MAP3K5: variants seen among roughly 807,000 people sequenced by gnomAD.
MAP3K5 encodes mitogen-activated protein kinase kinase kinase 5, also known as ASK-1.
MAP3K5 carries 56 observed loss-of-function variants against 158.7 expected under a neutral mutation model. That is an observed-to-expected ratio of 0.35 (90% CI 0.28 to 0.44). The LOEUF (loss-of-function observed/expected upper bound fraction) is 0.44, where lower values mean the gene tolerates loss of function less well. MAP3K5 is among the 20% of genes least tolerant of loss of function. The probability of loss-of-function intolerance (pLI) is 1.00; values close to 1 mark genes in which losing one functional copy is unlikely to be tolerated. For missense variants in MAP3K5, 1,294 were observed against 1,674.8 expected (o/e 0.77, Z 3.97); for synonymous variants, 579 against 601.7 (o/e 0.96, Z 0.55).
intron 2 of MAP3K5, among the ~76,000 whole-genome samples, chr6:136,712,235 G>A (rs1025192710): frequency 1.4e-5 from 2 of 148,114 alleles, no homozygotes; most frequent in African/African-American, 2.5e-5. Context: ...AGGCTGGAGT[G>A]CAGTGACATG....
chr6:136,680,537 T>A (rs1014416638), intron 7 of MAP3K5, among the ~76,000 whole-genome samples: 1 of 152,200 alleles, frequency 6.6e-6, no homozygotes, highest in African/African-American at 2.4e-5. Flanking sequence ...AGTTTCCCAG[T>A]GACAGAACTG....
At chr6:136,727,829 G>T (rs1476198539) in intron 1 of MAP3K5, among the ~76,000 whole-genome samples, 1 of 152,070 alleles carries the variant, frequency 6.6e-6, no homozygotes, top group Non-Finnish European at 1.5e-5. Context: ...GGGCGTGGTG[G>T]CAGGTGCCTG....
intron 17 of MAP3K5, among the ~76,000 whole-genome samples, chr6:136,612,689 T>C (rs977834589): frequency 3.3e-5 from 5 of 152,244 alleles, no homozygotes; most frequent in African/African-American, 4.8e-5. Flanking sequence ...TATGTGATAC[T>C]TGTGAGAAAA....
chr6:136,584,267 G>A (rs191258197), intron 23 of MAP3K5: 16 of 152,778 alleles, frequency 1.0e-4, no homozygotes, highest in African/African-American at 3.8e-4. Context: ...ATAGGGTCAT[G>A]AATATGTCCA....
intron 1 of MAP3K5, among the ~76,000 whole-genome samples, chr6:136,754,022 C>G (rs1367194318): frequency 6.6e-6 from 1 of 152,118 alleles, no homozygotes; most frequent in Non-Finnish European, 1.5e-5. Context: ...CGCCTGTAAT[C>G]CAGCACTTTG....
chr6:136,564,194 T>C (rs1035877153), intron 26 of MAP3K5, among the ~76,000 whole-genome samples: 9 of 152,176 alleles, frequency 5.9e-5, no homozygotes, highest in Non-Finnish European at 7.3e-5. Flanking sequence ...GAAAAGAGCC[T>C]TTCCAGGACT....
At chr6:136,585,495 T>C (rs1386766120) in intron 23 of MAP3K5, among the ~76,000 whole-genome samples, 1 of 147,560 alleles carries the variant, frequency 6.8e-6, no homozygotes, top group Non-Finnish European at 1.5e-5. Flanking sequence ...ATTTATTTAT[T>C]TATTTATTTA....
intron 1 of MAP3K5, among the ~76,000 whole-genome samples, chr6:136,726,811 T>A (rs934029014): frequency 6.6e-6 from 1 of 152,214 alleles, no homozygotes; most frequent in South Asian, 2.1e-4. Context: ...TTTTTGTAGA[T>A]TGATCTTGTA....
intron 1 of MAP3K5, among the ~76,000 whole-genome samples, chr6:136,721,610 G>A (rs139372303): frequency 4.6e-5 from 7 of 152,320 alleles, no homozygotes; most frequent in East Asian, 1.9e-4. Flanking sequence ...GACCTAGATC[G>A]TGAGTTTAAA....
intron 1 of MAP3K5, 63 bp downstream of exon 1, chr6:136,791,647 G>A (rs1415141236): frequency 3.2e-6 from 5 of 1,557,074 alleles, no homozygotes; most frequent in Non-Finnish European, 4.4e-6. Context: ...GAAATGCCCC[G>A]AAGACCGCCA....
At chr6:136,649,351 T>A (rs573604258) in intron 11 of MAP3K5, among the ~76,000 whole-genome samples, 1 of 152,238 alleles carries the variant, frequency 6.6e-6, no homozygotes, top group East Asian at 1.9e-4. Context: ...AAAAGCAGCA[T>A]CCCCAGGAAC....
Position 136,558,883 on chromosome 6 carries a change from A to G in MAP3K5, c.3988-7T>C. ...TATAATCTTCAGCCAAAAACTGTAG[A>G]GAAAGTAGAATATGCACAAAAGATG... On this transcript the variant is annotated splice_polypyrimidine_tract_variant and splice_region_variant and intron_variant, in intron 28 of 29. Coordinates refer to ENST00000359015, the MANE Select transcript of MAP3K5 (RefSeq NM_005923.4). 6.7e-7 allele frequency: 1 copy of G among 1,481,616 alleles called. No homozygotes were observed. The highest frequency in any genetic ancestry group is 2.3e-5 in the East Asian group (1 of 44,036). 91.8% of individuals were successfully genotyped at this position (1,481,616 alleles called of 1,614,324 possible). A position where few individuals can be genotyped will look rare whatever the true frequency, so the allele number is the denominator to read the frequency against.
intron 1 of MAP3K5, among the ~76,000 whole-genome samples, chr6:136,735,087 G>A (rs1782398006): frequency 6.6e-6 from 1 of 152,212 alleles, no homozygotes; most frequent in South Asian, 2.1e-4. Context: ...TAGCAAAAAT[G>A]GCTATGGTAG....
Position 136,601,034 on chromosome 6 carries a change from C to A in MAP3K5, c.2866G>T (p.Ala956Ser). 1 of 1,613,816 alleles carries A rather than the reference C, an allele frequency of 6.2e-7. No homozygotes were observed. Among genetic ancestry groups the A allele is most frequent in the Non-Finnish European group, 8.5e-7 (1 of 1,179,972 alleles). Residue 956 changes from alanine to serine, a missense_variant, in exon 21 of 30, where the codon GCT becomes TCT. Physicochemically the swap from Ala to Ser is moderately conservative, Grantham distance 99. This residue lies in a region of MAP3K5 where 362 missense variants were observed against 463.2 expected (regional missense o/e 0.78). Coordinates refer to ENST00000359015, the MANE Select transcript of MAP3K5 (RefSeq NM_005923.4). ...AAAACAAACTCACCATTTGATCCAG[C>A]TGAAAGAGCTGTGGAAAGAAAAGCA... Reference protein sequence around the residue: ...KTQPKLSALSAGSNEYLRSIS... With the variant: ...KTQPKLSALSSGSNEYLRSIS...
At chr6:136,600,332 T>C (rs945965151) in intron 21 of MAP3K5, among the ~76,000 whole-genome samples, 2 of 151,274 alleles carry the variant, frequency 1.3e-5, no homozygotes, top group African/African-American at 4.9e-5. Flanking sequence ...GCTGGGACCA[T>C]AGGCATGCAC....
Position 136,683,109 on chromosome 6 carries a change from A to G in MAP3K5, c.1253+11031T>C, listed in dbSNP as rs553481785. ...GTATTAACACCAAGGATATAACACTAAAGGCTTACTAAATTTCAGGACTTT... is the reference window on the plus strand; with the variant it reads ...GTATTAACACCAAGGATATAACACTGAAGGCTTACTAAATTTCAGGACTTT... On this transcript the variant is annotated intron_variant, in intron 7 of 29. Coordinates refer to ENST00000359015, the MANE Select transcript of MAP3K5 (RefSeq NM_005923.4). Among the ~76,000 whole-genome samples the G allele has an allele frequency of 2.6e-5, 4 of 152,332 alleles. No homozygotes were observed. In the East Asian group the frequency reaches 7.7e-4, roughly 29 times the overall value.
chr6:136,754,146 G>A (rs545622978), intron 1 of MAP3K5, among the ~76,000 whole-genome samples: 7 of 152,114 alleles, frequency 4.6e-5, no homozygotes, highest in African/African-American at 1.7e-4. Flanking sequence ...GGTGGCGGGC[G>A]CCTGTAATCC....
chr6:136,743,314 G>A (rs1357221875), intron 1 of MAP3K5, among the ~76,000 whole-genome samples: 1 of 152,098 alleles, frequency 6.6e-6, no homozygotes, highest in Non-Finnish European at 1.5e-5. Flanking sequence ...GCCGGGCATG[G>A]TGGCAGGCAC....
At chr6:136,601,121 AT>A in intron 20 of MAP3K5, 79 bp from the exon 21 acceptor site, 1 of 1,355,424 alleles carries the variant, frequency 7.4e-7, no homozygotes, top group Admixed American at 1.8e-5. Context: ...CAAAAAATGA[AT>A]GCCTGAAATG....
Sources: allele counts gnomAD v4.1 joint callset (sites outside exome capture counted in the v4.1 genomes callset), GRCh38; gene constraint gnomAD v4.1.1; regional missense constraint gnomAD v4.1.1; transcripts MANE v1.5; gene names NCBI Gene and HGNC (gene_info 2026-07-23, HGNC 2026-07-21).